Variants in DPYD observed in about 807,000 individuals in gnomAD.
The protein encoded by DPYD is dihydropyrimidine dehydrogenase.
DPYD carries 109 observed loss-of-function variants against 116.2 expected under a neutral mutation model. The ratio of observed to expected loss-of-function variants is 0.94; its 90% CI spans 0.80 to 1.10. The LOEUF (loss-of-function observed/expected upper bound fraction) is 1.10, where lower values mean the gene tolerates loss of function less well. Among genes scored for constraint, DPYD ranks in the 50% least tolerant of loss-of-function variants. The probability of loss-of-function intolerance (pLI) is 0.00; values close to 1 mark genes in which losing one functional copy is unlikely to be tolerated. For missense variants in DPYD, 1,302 were observed against 1,254.5 expected, an observed-to-expected ratio of 1.04 and a Z score of -0.57; for synonymous variants, 440 against 432.0, an observed-to-expected ratio of 1.02 and a Z score of -0.23.
At chr1:97,557,308 CTTTTT>C (rs796245332) in intron 11 of DPYD, among the ~76,000 whole-genome samples, 3 of 107,158 alleles carry the variant, frequency 2.8e-5, no homozygotes, top group South Asian at 3.0e-4. Context: ...TTTTTCTTTT[CTTTTT>C]TTTTTTTTTT....
At chr1:97,173,323 TACACATATATGTGTATATATGC>T (rs1570601189) in intron 20 of DPYD, among the ~76,000 whole-genome samples, 1 of 136,424 alleles carries the variant, frequency 7.3e-6, no homozygotes, top group African/African-American at 3.4e-5. Flanking sequence ...CACACATATA[TACACATATATGTGTATATATGC>T]ACACATATAT....
At chr1:97,305,236 T>A (rs1667086018) in intron 18 of DPYD, 23 bp downstream of exon 18, 2 of 1,611,668 alleles carry the variant, frequency 1.2e-6, no homozygotes, top group Non-Finnish European at 1.7e-6. Context: ...GAAAGCACAA[T>A]GCAAGAAGTG....
chr1:97,178,136 T>C (rs906885666), intron 20 of DPYD, among the ~76,000 whole-genome samples: 4 of 152,114 alleles, frequency 2.6e-5, no homozygotes, highest in Non-Finnish European at 5.9e-5. Context: ...ATCTTAGCTG[T>C]ATGTTATGGA....
intron 16 of DPYD, among the ~76,000 whole-genome samples, chr1:97,345,486 A>T (rs1669794946): frequency 6.6e-6 from 1 of 151,974 alleles, no homozygotes; most frequent in Non-Finnish European, 1.5e-5. Context: ...ACCAAGCAAA[A>T]TTTCATTTTG....
At chr1:97,719,893 C>T in intron 5 of DPYD, 1 of 985,006 alleles carries the variant, frequency 1.0e-6, no homozygotes, top group Non-Finnish European at 1.2e-6. Context: ...GCATCTACTG[C>T]AGTCCTAATC....
chr1:97,257,198 TA>T lies in DPYD; in HGVS notation c.2300-22205del, dbSNP rs1264639688. On this transcript the variant is annotated intron_variant, in intron 18 of 22. Transcript: ENST00000370192. ...GTACTCAACAAAAAAGTGACATAAT[TA>T]AAAAAATAATAGGTTGGATAATATG... 1.3e-4 allele frequency among the ~76,000 whole-genome samples: 20 copies of T among 151,892 alleles called. No individual in the cohort carries two copies. The East Asian group carries it at 3.9e-3, about 29-fold the overall frequency.
intron 8 of DPYD, among the ~76,000 whole-genome samples, chr1:97,660,341 A>C (rs1419557216): frequency 6.6e-6 from 1 of 152,112 alleles, no homozygotes; most frequent in Non-Finnish European, 1.5e-5. Context: ...AAAAAGTACA[A>C]AATATATTAC....
intron 10 of DPYD, 89 bp downstream of exon 10, chr1:97,593,129 T>G (rs1654636248): frequency 6.7e-7 from 1 of 1,483,424 alleles, no homozygotes; most frequent in Admixed American, 1.7e-5. Flanking sequence ...TTTGACAATT[T>G]CAACATTCTA....
chr1:97,183,575 T>C (rs760711222), intron 20 of DPYD, among the ~76,000 whole-genome samples: 3 of 152,122 alleles, frequency 2.0e-5, no homozygotes, highest in Non-Finnish European at 1.5e-5. Context: ...TTTTTCAAGA[T>C]TGTTTTGGCT....
intron 3 of DPYD, among the ~76,000 whole-genome samples, chr1:97,770,236 A>C (rs1370771408): frequency 2.6e-5 from 4 of 151,914 alleles, no homozygotes; most frequent in Admixed American, 1.3e-4. Context: ...TTAATTCATA[A>C]AAGTCTTATT....
At chr1:97,170,994 C>T (rs992842301) in intron 20 of DPYD, among the ~76,000 whole-genome samples, 1 of 152,028 alleles carries the variant, frequency 6.6e-6, no homozygotes, top group Admixed American at 6.6e-5. Flanking sequence ...CTTTCAAAGA[C>T]ATAATCAACA....
intron 19 of DPYD, among the ~76,000 whole-genome samples, chr1:97,229,574 ATATATATAT>A (rs1661447467): frequency 1.2e-5 from 1 of 84,474 alleles, no homozygotes; most frequent in African/African-American, 3.1e-5. Flanking sequence ...ATATATATAT[ATATATATAT>A]ATATATACTG....
chr1:97,416,840 A>T (rs1674315606), intron 14 of DPYD, among the ~76,000 whole-genome samples: 1 of 152,178 alleles, frequency 6.6e-6, no homozygotes, highest in Admixed American at 6.5e-5. Flanking sequence ...CCTTTTAGGT[A>T]GACCTTCGCT....
At chr1:97,140,980 G>GT (rs1654173468) in intron 20 of DPYD, among the ~76,000 whole-genome samples, 1 of 152,272 alleles carries the variant, frequency 6.6e-6, no homozygotes, top group South Asian at 2.1e-4. Context: ...GAAGCCAAAT[G>GT]TAAGTGTGAG....
chr1:97,885,789 A>T (rs1672457312), intron 1 of DPYD, among the ~76,000 whole-genome samples: 1 of 152,066 alleles, frequency 6.6e-6, no homozygotes, highest in Non-Finnish European at 1.5e-5. Context: ...ACTTATATTG[A>T]ACCTGATCCA....
intron 16 of DPYD, among the ~76,000 whole-genome samples, chr1:97,361,016 T>G (rs563101413): frequency 1.3e-5 from 2 of 151,924 alleles, no homozygotes; most frequent in East Asian, 3.9e-4. Flanking sequence ...GAATCCAGGA[T>G]CTGGCTTTTT....
chr1:97,196,047 C>T (rs999510126), intron 19 of DPYD, among the ~76,000 whole-genome samples: 37 of 151,814 alleles, frequency 2.4e-4, no homozygotes, highest in Non-Finnish European at 5.1e-4. Context: ...AGTTTGGCTC[C>T]TGTAAGAGGA....
chr1:97,289,926 T>A (rs1229890093), intron 18 of DPYD, among the ~76,000 whole-genome samples: 2 of 151,986 alleles, frequency 1.3e-5, no homozygotes, highest in African/African-American at 4.8e-5. Flanking sequence ...CATGACTGTA[T>A]ATCTAGAAAA....
At chr1:97,578,009 C>T (rs1269767662) in intron 10 of DPYD, among the ~76,000 whole-genome samples, 1 of 151,850 alleles carries the variant, frequency 6.6e-6, no homozygotes, top group Non-Finnish European at 1.5e-5. Context: ...CCATGCCTGG[C>T]TAATTTTTGT....
Sources: allele counts gnomAD v4.1 joint callset (sites outside exome capture counted in the v4.1 genomes callset), GRCh38; gene constraint gnomAD v4.1.1; transcripts MANE v1.5; gene names NCBI Gene and HGNC (gene_info 2026-07-23, HGNC 2026-07-21).